The following OPCML variants were observed in gnomAD, a reference collection of about 807,000 sequenced individuals.
The protein encoded by OPCML is opioid-binding protein/cell adhesion molecule.
OPCML carries 13 observed loss-of-function variants against 37.8 expected under a neutral mutation model. The observed-to-expected ratio is 0.34, with a 90% CI of 0.22 to 0.55. The LOEUF is 0.55. Ranked by LOEUF, OPCML falls within the 20% of genes least tolerant of loss-of-function variation. The pLI is 0.91. For missense variants in OPCML, 341 were observed against 435.6 expected (o/e 0.78, Z 1.93); for synonymous variants, 176 against 168.8 (o/e 1.04, Z -0.33).
At position 133,012,711 on chromosome 11, in the gene OPCML, A is replaced by G. The variant is rs530103315; in HGVS notation, c.62-69701T>C. Among the ~76,000 whole-genome samples the G allele has an allele frequency of 5.9e-3, 902 of 152,186 alleles. 7 individuals carry two copies. The highest frequency in any genetic ancestry group is 0.01 in the Non-Finnish European group (680 of 67,994). On this transcript the variant is annotated intron_variant, in intron 1 of 7. Transcript: ENST00000524381. ...ACCAACATGGAGAAACCCCATCTCT[A>G]CTAAAAATACAAAATTAGACGGGCA...
intron 1 of OPCML, among the ~76,000 whole-genome samples, chr11:133,392,600 G>C (rs956787451): frequency 6.6e-6 from 1 of 152,198 alleles, no homozygotes; most frequent in Non-Finnish European, 1.5e-5. Flanking sequence ...GCTGAGGGCT[G>C]TGTGCACTTG....
intron 1 of OPCML, among the ~76,000 whole-genome samples, chr11:133,364,463 AAATT>A (rs1434027102): frequency 6.6e-6 from 1 of 152,202 alleles, no homozygotes; most frequent in Non-Finnish European, 1.5e-5. Flanking sequence ...TAAAAGACAG[AAATT>A]AATAGTTCAG....
At chr11:132,893,393 G>A (rs1268812333) in intron 2 of OPCML, among the ~76,000 whole-genome samples, 2 of 152,192 alleles carry the variant, frequency 1.3e-5, no homozygotes, top group South Asian at 4.1e-4. Flanking sequence ...CCCCGGTGCA[G>A]CCCTATTTGC....
At chr11:132,777,961 C>G (rs1158194801) in intron 2 of OPCML, among the ~76,000 whole-genome samples, 1 of 152,186 alleles carries the variant, frequency 6.6e-6, no homozygotes, top group African/African-American at 2.4e-5. Flanking sequence ...TTCCTCATCT[C>G]TGGATCGGCA....
chr11:133,203,875 G>A (rs1304789654), intron 1 of OPCML, among the ~76,000 whole-genome samples: 2 of 151,900 alleles, frequency 1.3e-5, no homozygotes, highest in South Asian at 2.1e-4. Flanking sequence ...TGGCTAACAC[G>A]GTGAAACCCC....
intron 1 of OPCML, among the ~76,000 whole-genome samples, chr11:133,336,161 C>T (rs1943739550): frequency 2.0e-5 from 3 of 152,214 alleles, no homozygotes. Flanking sequence ...AAGTGAAGGC[C>T]GCATGATACA....
intron 1 of OPCML, among the ~76,000 whole-genome samples, chr11:133,262,089 T>C (rs1190894971): frequency 6.6e-6 from 1 of 152,208 alleles, no homozygotes. Context: ...AGTTGACAAA[T>C]AAAAATTATA....
chr11:133,125,735 G>T (rs1949496996), intron 1 of OPCML, among the ~76,000 whole-genome samples: 1 of 48,002 alleles, frequency 2.1e-5, no homozygotes, highest in African/African-American at 7.0e-5. Context: ...AGTATATATA[G>T]TATATATATA....
chr11:133,024,586 C>A (rs756980882), intron 1 of OPCML: 1 of 984,466 alleles, frequency 1.0e-6, no homozygotes, highest in Non-Finnish European at 1.2e-6. Flanking sequence ...GGGATTTTTG[C>A]CCTGTGAATA....
At chr11:133,488,047 A>C (rs1219327375) in intron 1 of OPCML, among the ~76,000 whole-genome samples, 2 of 152,192 alleles carry the variant, frequency 1.3e-5, no homozygotes, top group Non-Finnish European at 2.9e-5. Flanking sequence ...TAGATGCAGA[A>C]AAGGGTAAAA....
At chr11:132,594,187 C>T (rs1218150472) in intron 3 of OPCML, among the ~76,000 whole-genome samples, 1 of 152,078 alleles carries the variant, frequency 6.6e-6, no homozygotes, top group Non-Finnish European at 1.5e-5. Context: ...GATTCTTTAC[C>T]CTTGAGATAA....
chr11:133,006,958 G>A, intron 1 of OPCML: 2 of 985,418 alleles, frequency 2.0e-6, no homozygotes, highest in Non-Finnish European at 1.2e-6. Flanking sequence ...ATAAATGTCT[G>A]CAAAATACCT....
chr11:132,920,985 A>G (rs1159990107), intron 2 of OPCML, among the ~76,000 whole-genome samples: 1 of 151,970 alleles, frequency 6.6e-6, no homozygotes, highest in African/African-American at 2.4e-5. Flanking sequence ...TGACCCCCTC[A>G]GCTCCAGTGC....
chr11:133,334,419 C>T (rs1439826088), intron 1 of OPCML, among the ~76,000 whole-genome samples: 3 of 152,112 alleles, frequency 2.0e-5, no homozygotes, highest in Non-Finnish European at 2.9e-5. Context: ...ACAGCATGTT[C>T]TCACTTATAG....
intron 1 of OPCML, among the ~76,000 whole-genome samples, chr11:133,372,038 T>A (rs922567246): frequency 5.3e-5 from 8 of 151,816 alleles, no homozygotes; most frequent in Non-Finnish European, 1.2e-4. Context: ...GGGGGAGGGA[T>A]GAAGAGAGGT....
At chr11:132,666,258 T>A (rs1942210509) in intron 2 of OPCML, among the ~76,000 whole-genome samples, 1 of 152,078 alleles carries the variant, frequency 6.6e-6, no homozygotes, top group South Asian at 2.1e-4. Flanking sequence ...CTCAGGAAGC[T>A]TCCAATCATA....
chr11:132,837,129 A>G (rs1024964543), intron 2 of OPCML, among the ~76,000 whole-genome samples: 1 of 152,154 alleles, frequency 6.6e-6, no homozygotes, highest in Non-Finnish European at 1.5e-5. Context: ...AGCCTGACCA[A>G]CATGGAGAAA....
chr11:132,999,506 G>A (rs1057242560), intron 1 of OPCML, among the ~76,000 whole-genome samples: 14 of 151,238 alleles, frequency 9.3e-5, no homozygotes, highest in Admixed American at 3.3e-4. Context: ...TCACTTTAGA[G>A]GGAGCTTATT....
chr11:132,475,853 C>T (rs2508989), intron 4 of OPCML, among the ~76,000 whole-genome samples: 76,367 of 152,004 alleles, frequency 0.5, 19,749 homozygotes, highest in East Asian at 0.86. Context: ...ATGTACGTTA[C>T]ATATGAACAG....
Sources: allele counts gnomAD v4.1 joint callset (sites outside exome capture counted in the v4.1 genomes callset), GRCh38; gene constraint gnomAD v4.1.1; transcripts MANE v1.5; gene names NCBI Gene and HGNC (gene_info 2026-07-23, HGNC 2026-07-21).